ANO3: variants seen among roughly 807,000 people sequenced by gnomAD.
ANO3 encodes the protein anoctamin 3, also known as anoctamin-3.
ANO3 carries 99 observed loss-of-function variants against 144.8 expected under a neutral mutation model. That is an observed-to-expected ratio of 0.68 (90% confidence interval 0.58 to 0.81). The LOEUF (loss-of-function observed/expected upper bound fraction) is 0.81, where lower values mean the gene tolerates loss of function less well. Ranked by LOEUF, ANO3 falls within the 30% of genes least tolerant of loss-of-function variation. ANO3 has a pLI of 0.00. For synonymous variants in ANO3, 414 were observed against 392.6 expected, an observed-to-expected ratio of 1.05 and a Z score of -0.64; for missense variants, 905 against 1,202.2, an observed-to-expected ratio of 0.75 and a Z score of 3.66.
intron 1 of ANO3, among the ~76,000 whole-genome samples, chr11:26,223,736 GT>G (rs1852199382): frequency 6.6e-6 from 1 of 151,782 alleles, no homozygotes; most frequent in African/African-American, 2.4e-5. Context: ...ACCTCAGGTC[GT>G]TTTTACTCAT....
chr11:26,522,211 C>CA (rs1171963821), intron 6 of ANO3, among the ~76,000 whole-genome samples: 59 of 142,634 alleles, frequency 4.1e-4, no homozygotes, highest in South Asian at 2.3e-3. Context: ...ACAACAACAA[C>CA]AACAAAAAAA....
chr11:26,335,811 CA>C (rs1201335966), intron 1 of ANO3, among the ~76,000 whole-genome samples: 1 of 152,174 alleles, frequency 6.6e-6, no homozygotes, highest in Non-Finnish European at 1.5e-5. Context: ...ACGAGAATTG[CA>C]GACAACTCTG....
intron 1 of ANO3, among the ~76,000 whole-genome samples, chr11:26,211,537 C>T (rs1175080156): frequency 6.6e-6 from 1 of 152,064 alleles, no homozygotes; most frequent in Non-Finnish European, 1.5e-5. Context: ...GTTAGAATGG[C>T]AATCATTAAA....
chr11:26,401,276 T>G (rs1857140365), intron 1 of ANO3, among the ~76,000 whole-genome samples: 1 of 151,988 alleles, frequency 6.6e-6, no homozygotes, highest in Non-Finnish European at 1.5e-5. Context: ...AAGAATTCCC[T>G]CCATTTATTA....
intron 4 of ANO3, among the ~76,000 whole-genome samples, chr11:26,471,401 A>G (rs979957971): frequency 1.3e-5 from 2 of 152,122 alleles, no homozygotes; most frequent in East Asian, 3.9e-4. Context: ...CTAAGTAAAA[A>G]TAGATAATTT....
Position 26,635,146 on chromosome 11 carries a change from A to G in ANO3, c.2043+76A>G, listed in dbSNP as rs1344907363. On this transcript the variant is annotated intron_variant, in intron 20 of 26. Transcript: ENST00000256737. ...GTTACTGCGGGAGGAAGGGAGCTGA[A>G]GAAAGGAGAAGTTCAGGGAACTTTA... is the stretch of plus-strand genomic sequence containing the variant. 26 of 1,333,638 alleles carry G rather than the reference A, an allele frequency of 1.9e-5. No individual in the cohort carries two copies. The Admixed American group carries it at 4.5e-4, about 23-fold the overall frequency. 82.6% of individuals were successfully genotyped at this position (1,333,638 alleles called of 1,614,324 possible).
At chr11:26,266,908 C>T (rs1426644913) in intron 1 of ANO3, among the ~76,000 whole-genome samples, 14 of 150,232 alleles carry the variant, frequency 9.3e-5, no homozygotes, top group African/African-American at 2.7e-4. Context: ...GGTGAAACCC[C>T]GTCTCTACTA....
chr11:26,611,595 G>A (rs1852100342), intron 17 of ANO3, among the ~76,000 whole-genome samples: 1 of 152,120 alleles, frequency 6.6e-6, no homozygotes, highest in South Asian at 2.1e-4. Context: ...CTGTTGGATG[G>A]AATGTTCTGT....
chr11:26,565,695 A>C, intron 14 of ANO3: 1 of 1,613,224 alleles, frequency 6.2e-7, no homozygotes, highest in Non-Finnish European at 8.5e-7. Flanking sequence ...ATCTGAGTTT[A>C]AGTTTGCTTC....
chr11:26,327,496 C>T (rs1420062910), upstream of ANO3, among the ~76,000 whole-genome samples: 1 of 151,988 alleles, frequency 6.6e-6, no homozygotes, highest in African/African-American at 2.4e-5. Context: ...GACAATCATT[C>T]CCAGTGGAGA....
intron 4 of ANO3, among the ~76,000 whole-genome samples, chr11:26,471,522 A>G (rs532696399): frequency 6.6e-6 from 1 of 152,096 alleles, no homozygotes; most frequent in Admixed American, 6.6e-5. Context: ...AACTGAATCT[A>G]TTACAGTATG....
chr11:26,267,048 C>T (rs1408101894), intron 1 of ANO3, among the ~76,000 whole-genome samples: 1 of 150,520 alleles, frequency 6.6e-6, no homozygotes. Context: ...GCCGAGATCG[C>T]GCCACTGCAC....
At chr11:26,584,382 C>T (rs1008895180) in intron 14 of ANO3, among the ~76,000 whole-genome samples, 1 of 152,148 alleles carries the variant, frequency 6.6e-6, no homozygotes, top group Admixed American at 6.5e-5. Flanking sequence ...TGGTCTCCAA[C>T]TCTTGACCTC....
chr11:26,376,130 G>A (rs1311098143), intron 1 of ANO3, among the ~76,000 whole-genome samples: 2 of 152,124 alleles, frequency 1.3e-5, no homozygotes, highest in South Asian at 2.1e-4. Flanking sequence ...GAATGTCAAA[G>A]AGCATGTATT....
rs1351534937 is a variant in ANO3, at chr11:26,635,164, G to A, written c.2043+94G>A. The A allele has an allele frequency of 2.7e-6, 3 of 1,127,738 alleles. No homozygotes were observed. The South Asian group carries it at 4.1e-5, about 16-fold the overall frequency. The allele number at this position is 1,127,738 out of a possible 1,614,324, so 69.9% of individuals were successfully genotyped here. A position where few individuals can be genotyped will look rare whatever the true frequency, so the allele number is the denominator to read the frequency against. On this transcript the variant is annotated intron_variant, in intron 20 of 26. Transcript: ENST00000256737. The stretch of plus-strand genomic sequence containing the variant: ...GAGCTGAAGAAAGGAGAAGTTCAGG[G>A]AACTTTATGGATATTGAAGACGACA...
At position 26,365,979 on chromosome 11, in the gene ANO3, TATATATATATATATATATATATA is replaced by T. The variant is rs576304483; in HGVS notation, c.46+33659_46+33681del. ...TTATATATATATATATATATATATA[TATATATATATATATATATATATA>T]TTTTAATTATACTTTAAGTTCTAGG... On this transcript the variant is annotated intron_variant, in intron 1 of 26. Coordinates refer to ENST00000256737, the MANE Select transcript of ANO3 (RefSeq NM_031418.4). 4.0e-4 allele frequency among the ~76,000 whole-genome samples: 10 copies of T among 25,004 alleles called. 1 individual carries two copies. The South Asian group carries it at 4.1e-3, about 10-fold the overall frequency. The allele number at this position is 25,004 out of a possible 152,430, so 16.4% of individuals were successfully genotyped here.
chr11:26,278,758 A>T (rs1276774643), intron 1 of ANO3, among the ~76,000 whole-genome samples: 1 of 151,724 alleles, frequency 6.6e-6, no homozygotes, highest in African/African-American at 2.4e-5. Context: ...TCACCTTCCC[A>T]CCTCTCTATT....
intron 1 of ANO3, among the ~76,000 whole-genome samples, chr11:26,345,800 C>T (rs776544380): frequency 3.3e-5 from 5 of 152,036 alleles, no homozygotes; most frequent in Admixed American, 1.3e-4. Flanking sequence ...ACTGTGTGCT[C>T]GATGTGCATT....
chr11:26,548,591 T>C (rs1837906580), intron 12 of ANO3, among the ~76,000 whole-genome samples: 1 of 151,864 alleles, frequency 6.6e-6, no homozygotes, highest in South Asian at 2.1e-4. Context: ...TGTATATGTA[T>C]GTATAAGTAT....
Sources: gnomAD v4.1 joint callset for allele counts (sites outside exome capture counted in the v4.1 genomes callset) on GRCh38, gnomAD v4.1.1 for gene constraint, MANE v1.5 for transcripts, NCBI Gene and HGNC (gene_info 2026-07-23, HGNC 2026-07-21) for gene names.